Variants in CCNB3 observed in about 807,000 individuals in gnomAD.
CCNB3 encodes the protein G2/mitotic-specific cyclin-B3.
CCNB3 carries 12 observed loss-of-function variants against 68.0 expected under a neutral mutation model. That is an observed-to-expected ratio of 0.18 (90% CI 0.11 to 0.29). CCNB3 has a LOEUF of 0.29. Among genes scored for constraint, CCNB3 ranks in the 10% least tolerant of loss-of-function variants. CCNB3 has a pLI of 1.00. For synonymous variants in CCNB3, 354 were observed against 388.9 expected, an observed-to-expected ratio of 0.91 and a Z score of 1.06; for missense variants, 904 against 993.1, an observed-to-expected ratio of 0.91 and a Z score of 1.21.
intron 1 of CCNB3, among the ~76,000 whole-genome samples, chrX:50,213,746 G>C (rs1352220757): frequency 4.5e-5 from 5 of 111,193 alleles, no homozygotes; most frequent in African/African-American, 9.8e-5. Flanking sequence ...GTGTGCTTTC[G>C]AAGGAATTCA....
Position 50,351,324 on chromosome X carries a change from C to A in CCNB3, c.4044C>A (p.Phe1348Leu). ...LVRQLNKLLT[F>L]SSYDSLKAVY... ...GACAGCTGAACAAACTGCTGACTTTCAGTTCTTACGATAGTCTCAAGGCTG... is the reference window on the plus strand; with the variant it reads ...GACAGCTGAACAAACTGCTGACTTTAAGTTCTTACGATAGTCTCAAGGCTG... Residue 1348 changes from phenylalanine (F) to leucine (L), a missense_variant, in exon 12 of 13, where the codon TTC becomes TTA. This residue lies in a region of CCNB3 where 285 missense variants were observed against 383.4 expected (regional missense o/e 0.74). Coordinates refer to ENST00000376042, the MANE Select transcript of CCNB3 (RefSeq NM_033031.3). The A allele has an allele frequency of 8.3e-7, 1 of 1,210,766 alleles. No individual in the cohort carries two copies. The highest frequency in any genetic ancestry group is 1.1e-6 in the Non-Finnish European group (1 of 894,624).
At chrX:50,340,765 G>A (rs1444895431) in intron 8 of CCNB3, among the ~76,000 whole-genome samples, 1 of 111,651 alleles carries the variant, frequency 9.0e-6, no homozygotes, top group Non-Finnish European at 1.9e-5. Flanking sequence ...ATGGGACTAG[G>A]GCTATAGGAG....
intron 5 of CCNB3, among the ~76,000 whole-genome samples, chrX:50,300,797 A>G (rs1385404654): frequency 9.0e-6 from 1 of 111,458 alleles, no homozygotes; most frequent in Non-Finnish European, 1.9e-5. Flanking sequence ...TGGTCTTTTC[A>G]CATAGTCCCA....
At chrX:50,210,092 T>A (rs1935459669) in intron 1 of CCNB3, among the ~76,000 whole-genome samples, 1 of 112,180 alleles carries the variant, frequency 8.9e-6, no homozygotes, top group Admixed American at 9.5e-5. Flanking sequence ...ATGGTTTCAT[T>A]TTTACATTCA....
intron 1 of CCNB3, among the ~76,000 whole-genome samples, chrX:50,228,775 CATATATAGAATAT>C (rs1398262945): frequency 2.1e-4 from 9 of 43,353 alleles, no homozygotes; most frequent in Admixed American, 6.6e-4. Flanking sequence ...ATATAGAATA[CATATATAGAATAT>C]ATATATAGAA....
chrX:50,317,807 T>C (rs1161985459), intron 8 of CCNB3, among the ~76,000 whole-genome samples: 2 of 110,669 alleles, frequency 1.8e-5, no homozygotes, highest in African/African-American at 3.3e-5. Context: ...TGACCTCAGG[T>C]GATCCGCCTG....
chrX:50,317,349 A>G (rs1557215911), intron 8 of CCNB3, among the ~76,000 whole-genome samples: 1 of 111,337 alleles, frequency 9.0e-6, no homozygotes, highest in African/African-American at 3.3e-5. Context: ...TTATAAATAT[A>G]TCCTCTCAGT....
At chrX:50,214,079 T>G (rs1292001861) in intron 1 of CCNB3, among the ~76,000 whole-genome samples, 1 of 110,990 alleles carries the variant, frequency 9.0e-6, no homozygotes, top group Non-Finnish European at 1.9e-5. Context: ...ACATGATATC[T>G]ACCCTCTTAA....
At chrX:50,319,393 T>G (rs73495643) in intron 8 of CCNB3, among the ~76,000 whole-genome samples, 2,599 of 111,886 alleles carry the variant, frequency 0.023, 65 homozygotes, top group African/African-American at 0.081. Flanking sequence ...TATTGTAAAT[T>G]ATGTTTTTTA....
At chrX:50,226,243 A>G (rs1387723968) in intron 1 of CCNB3, among the ~76,000 whole-genome samples, 2 of 69,190 alleles carry the variant, frequency 2.9e-5, no homozygotes, top group African/African-American at 1.2e-4. Context: ...ATTTATATAT[A>G]TAGAATATAT....
At chrX:50,283,232 G>A (rs1936173439) in intron 1 of CCNB3, among the ~76,000 whole-genome samples, 2 of 111,478 alleles carry the variant, frequency 1.8e-5, no homozygotes, top group African/African-American at 6.5e-5. Context: ...TCCAAGACCT[G>A]TGCTCATTCT....
intron 1 of CCNB3, among the ~76,000 whole-genome samples, chrX:50,283,957 T>C (rs983880282): frequency 9.0e-6 from 1 of 110,520 alleles, no homozygotes; most frequent in Non-Finnish European, 1.9e-5. Flanking sequence ...TCTATCCTTT[T>C]CCTTGAACAA....
Position 50,285,124 on chromosome X carries a change from C to T in CCNB3, c.-37-3C>T, listed in dbSNP as rs772615491. 1 of 1,009,663 alleles carries T rather than the reference C, an allele frequency of 9.9e-7. No homozygotes were observed. Among genetic ancestry groups the T allele is most frequent in the East Asian group, 3.0e-5 (1 of 32,885 alleles). 83.2% of individuals were successfully genotyped at this position (1,009,663 alleles called of 1,213,427 possible). A position where few individuals can be genotyped will look rare whatever the true frequency, so the allele number is the denominator to read the frequency against. ...GTGTTAAAGAGCCTCTTTCTGATTA[C>T]AGCCCTGCCTTGGACAAGACGCAGC... On this transcript the variant is annotated splice_region_variant and splice_polypyrimidine_tract_variant and intron_variant, in intron 2 of 12. Transcript: ENST00000376042.
intron 8 of CCNB3, among the ~76,000 whole-genome samples, chrX:50,327,743 A>C (rs1036033404): frequency 5.4e-5 from 6 of 111,815 alleles, no homozygotes; most frequent in African/African-American, 2.0e-4. Flanking sequence ...CTTTCTCTTG[A>C]CATTCCTTTA....
In CCNB3 at chrX:50,226,968, AAT is replaced by A. The variant is rs1394759299; in HGVS notation, c.-113+22026_-113+22027del. ...TAGAATATATATAGTATATATATAG[AAT>A]ATATATAGTATATATATAGAATATA... On this transcript the variant is annotated intron_variant, in intron 1 of 12. Transcript: ENST00000376042. Among the ~76,000 whole-genome samples the A allele has an allele frequency of 1.4e-3, 103 of 75,573 alleles. 1 individual carries two copies. Among genetic ancestry groups the A allele is most frequent in the African/African-American group, 5.2e-3 (89 of 17,040 alleles). The allele number at this position is 75,573 out of a possible 115,157, so 65.6% of individuals were successfully genotyped here.
intron 8 of CCNB3, among the ~76,000 whole-genome samples, chrX:50,335,695 G>A (rs2147092914): frequency 9.0e-6 from 1 of 111,626 alleles, no homozygotes; most frequent in Admixed American, 9.5e-5. Flanking sequence ...AGCTAGAGCT[G>A]GTTTTATCTC....
intron 2 of CCNB3, 48 bp from the exon 3 acceptor site, chrX:50,285,079 T>C (rs1369543862): frequency 2.8e-6 from 2 of 703,368 alleles, no homozygotes; most frequent in African/African-American, 4.2e-5. Flanking sequence ...TCAGAGAATT[T>C]ATCGTGTTTC....
intron 8 of CCNB3, among the ~76,000 whole-genome samples, chrX:50,319,873 T>G: frequency 8.9e-6 from 1 of 112,086 alleles, no homozygotes; most frequent in Middle Eastern, 4.6e-3. Context: ...CTATTGATTT[T>G]TTTTTGTTTT....
At chrX:50,218,439 A>T (rs946156117) in intron 1 of CCNB3, among the ~76,000 whole-genome samples, 2 of 109,558 alleles carry the variant, frequency 1.8e-5, no homozygotes, top group Non-Finnish European at 1.9e-5. Flanking sequence ...CTAGGCCCCC[A>T]CCCCCTGACT....
Sources: gnomAD v4.1 joint callset for allele counts (sites outside exome capture counted in the v4.1 genomes callset) on GRCh38, gnomAD v4.1.1 for gene constraint, gnomAD v4.1.1 regional missense constraint, MANE v1.5 for transcripts, NCBI Gene and HGNC (gene_info 2026-07-23, HGNC 2026-07-21) for gene names.